The following SORT1 variants were observed in gnomAD, a reference collection of about 807,000 sequenced individuals.
SORT1 encodes sortilin.
SORT1 carries 39 observed loss-of-function variants against 101.7 expected under a neutral mutation model. The ratio of observed to expected loss-of-function variants is 0.38; its 90% CI spans 0.30 to 0.50. The LOEUF is 0.50. SORT1 is among the 20% of genes least tolerant of loss of function. The probability of loss-of-function intolerance (pLI) is 0.90; values close to 1 mark genes in which losing one functional copy is unlikely to be tolerated. For missense variants in SORT1, 878 were observed against 1,040.4 expected, an observed-to-expected ratio of 0.84 and a Z score of 2.15; for synonymous variants, 396 against 393.7, an observed-to-expected ratio of 1.01 and a Z score of -0.07.
chr1:109,352,872 T>C (rs1011379138), intron 5 of SORT1, among the ~76,000 whole-genome samples: 5 of 152,196 alleles, frequency 3.3e-5, no homozygotes, highest in Admixed American at 1.3e-4. Context: ...GTAAGGAAGA[T>C]GCAGTAGTCA....
chr1:109,335,319 G>T (rs557333191), intron 11 of SORT1, among the ~76,000 whole-genome samples: 1 of 152,292 alleles, frequency 6.6e-6, no homozygotes, highest in East Asian at 1.9e-4. Flanking sequence ...AAACACAGAG[G>T]CCACTGAACC....
chr1:109,314,219 T>TGG, intron 19 of SORT1, 42 bp downstream of exon 19: 1 of 1,101,676 alleles, frequency 9.1e-7, no homozygotes, highest in Non-Finnish European at 1.3e-6. Context: ...CTTGTATTTT[T>TGG]TGGGGGGGGG....
At chr1:109,366,314 G>A (rs1450495024) in intron 3 of SORT1, among the ~76,000 whole-genome samples, 3 of 152,172 alleles carry the variant, frequency 2.0e-5, no homozygotes, top group Non-Finnish European at 4.4e-5. Flanking sequence ...CGACCTGAGA[G>A]CCTCCTTCTT....
intron 1 of SORT1, chr1:109,389,724 G>C (rs1652789158): frequency 6.6e-6 from 1 of 152,240 alleles, no homozygotes; most frequent in Non-Finnish European, 1.5e-5. Flanking sequence ...AAGTTTAGGA[G>C]TGCTTTTTGG....
chr1:109,348,859 C>T (rs1016389000), intron 6 of SORT1, among the ~76,000 whole-genome samples: 9 of 152,008 alleles, frequency 5.9e-5, no homozygotes, highest in Non-Finnish European at 1.5e-5. Flanking sequence ...GTTCCAGCGA[C>T]TGGGAAGGCT....
In SORT1 at chr1:109,350,976, A is replaced by C. The variant is rs1431775144; in HGVS notation, c.735T>G (p.Phe245Leu). 3.1e-6 allele frequency: 5 copies of C among 1,612,458 alleles called. No individual in the cohort carries two copies. The highest frequency in any genetic ancestry group is 1.3e-5 in the African/African-American group (1 of 74,910). ...TGTGGATTTCTTCCCATTTTCCCCC[A>C]AAATTCTTGGACACCCACAGGCCAT... Reference protein sequence around the residue: ...TENGLWVSKNFGGKWEEIHKA... With the variant: ...TENGLWVSKNLGGKWEEIHKA... Residue 245 changes from phenylalanine (F) to leucine (L), a missense_variant, in exon 6 of 20, where the codon TTT becomes TTG. This residue lies in a region of SORT1 where 684 missense variants were observed against 894.5 expected (regional missense o/e 0.76). Coordinates refer to ENST00000256637, the MANE Select transcript of SORT1 (RefSeq NM_002959.7).
At chr1:109,380,469 A>G (rs989288256) in intron 1 of SORT1, among the ~76,000 whole-genome samples, 44 of 152,174 alleles carry the variant, frequency 2.9e-4, no homozygotes, top group Non-Finnish European at 3.1e-4. Context: ...AAATATTTGT[A>G]ACATGACAAA....
chr1:109,394,668 C>G (rs1557832326), intron 1 of SORT1, among the ~76,000 whole-genome samples: 1 of 152,188 alleles, frequency 6.6e-6, no homozygotes, highest in Non-Finnish European at 1.5e-5. Flanking sequence ...TTTTCATTCT[C>G]CAGTCTGAAT....
chr1:109,321,847 A>G (rs1557780616), intron 15 of SORT1, among the ~76,000 whole-genome samples: 1 of 152,184 alleles, frequency 6.6e-6, no homozygotes, highest in Non-Finnish European at 1.5e-5. Context: ...CATTTAAGCT[A>G]TCCAGGGACT....
intron 3 of SORT1, among the ~76,000 whole-genome samples, chr1:109,360,180 C>T (rs1650625854): frequency 6.6e-6 from 1 of 152,156 alleles, no homozygotes; most frequent in Non-Finnish European, 1.5e-5. Context: ...ACAAAGTATA[C>T]AAAATTTAGT....
chr1:109,377,526 C>T (rs539032836), intron 1 of SORT1, among the ~76,000 whole-genome samples: 7 of 152,328 alleles, frequency 4.6e-5, no homozygotes, highest in African/African-American at 1.7e-4. Flanking sequence ...CACTGTTATA[C>T]ACTGGTATGT....
intron 3 of SORT1, among the ~76,000 whole-genome samples, chr1:109,358,977 C>T (rs1335199489): frequency 1.3e-5 from 2 of 152,032 alleles, no homozygotes; most frequent in Non-Finnish European, 2.9e-5. Flanking sequence ...TAAACATGCA[C>T]ATGTTTATAA....
At position 109,347,516 on chromosome 1, in the gene SORT1, T is replaced by C. The variant is rs756853677; in HGVS notation, c.799A>G (p.Ile267Val). The change falls in exon 7 of 20, where the codon ATC (isoleucine) becomes GTC (valine). Residue 267 changes from isoleucine (I) to valine (V), a missense_variant. Coordinates refer to ENST00000256637, the MANE Select transcript of SORT1 (RefSeq NM_002959.7). Reference protein sequence around the residue: ...CLAKWGSDNTIFFTTYANGSC... With the variant: ...CLAKWGSDNTVFFTTYANGSC... ...CCATTTGCATAGGTTGTAAAGAAGA[T>C]GGTGTTGTCTGATCCCCTACAATGA... The C allele has an allele frequency of 2.5e-5, 40 of 1,610,840 alleles. No individual in the cohort carries two copies. Among genetic ancestry groups the C allele is most frequent in the Non-Finnish European group, 3.1e-5 (36 of 1,177,172 alleles).
At chr1:109,355,131 G>C (rs1327838380) in intron 4 of SORT1, among the ~76,000 whole-genome samples, 2 of 152,124 alleles carry the variant, frequency 1.3e-5, no homozygotes, top group Non-Finnish European at 2.9e-5. Context: ...TGAGGTGGGA[G>C]GATCCCTTGA....
At chr1:109,344,781 A>G (rs182397994) in intron 8 of SORT1, among the ~76,000 whole-genome samples, 111 of 152,182 alleles carry the variant, frequency 7.3e-4, no homozygotes, top group Admixed American at 2.0e-3. Context: ...CTGCAGCCTC[A>G]ACCTCCCCAG....
At chr1:109,388,908 CA>C (rs1652739676) in intron 1 of SORT1, among the ~76,000 whole-genome samples, 1 of 152,122 alleles carries the variant, frequency 6.6e-6, no homozygotes, top group African/African-American at 2.4e-5. Context: ...ATTATATTAA[CA>C]AAAGTTTGAC....
intron 1 of SORT1, among the ~76,000 whole-genome samples, chr1:109,390,606 A>G (rs1003582003): frequency 7.9e-5 from 12 of 152,030 alleles, no homozygotes; most frequent in African/African-American, 2.7e-4. Flanking sequence ...AATAGCAAAT[A>G]CTAGATAAAA....
At chr1:109,339,960 C>A (rs1649100752) in intron 10 of SORT1, among the ~76,000 whole-genome samples, 1 of 152,026 alleles carries the variant, frequency 6.6e-6, no homozygotes, top group African/African-American at 2.4e-5. Flanking sequence ...ACCAACCTGG[C>A]CAACATGGTG....
At chr1:109,326,508 C>CAT (rs1476471474) in intron 13 of SORT1, among the ~76,000 whole-genome samples, 1 of 44,306 alleles carries the variant, frequency 2.3e-5, no homozygotes, top group Non-Finnish European at 4.9e-5. Context: ...CATATATACA[C>CAT]ACATACACAT....
Sources: allele counts gnomAD v4.1 joint callset (sites outside exome capture counted in the v4.1 genomes callset), GRCh38; gene constraint gnomAD v4.1.1; regional missense constraint gnomAD v4.1.1; transcripts MANE v1.5; gene names NCBI Gene and HGNC (gene_info 2026-07-23, HGNC 2026-07-21).